STK32B: variants seen among roughly 807,000 people sequenced by gnomAD.
STK32B encodes the protein serine/threonine-protein kinase 32B.
In STK32B, 43 loss-of-function variants were observed where a neutral mutation model predicts 52.6. The observed-to-expected ratio is 0.82, with a 90% CI of 0.64 to 1.05. The LOEUF (loss-of-function observed/expected upper bound fraction) is 1.05, where lower values mean the gene tolerates loss of function less well. Ranked by LOEUF, STK32B falls within the 50% of genes least tolerant of loss-of-function variation. The pLI is 0.00. For synonymous variants in STK32B, 238 were observed against 204.3 expected (o/e 1.17, Z -1.41); for missense variants, 621 against 534.6 (o/e 1.16, Z -1.59).
intron 3 of STK32B, among the ~76,000 whole-genome samples, chr4:5,246,664 T>C (rs941269771): frequency 1.3e-5 from 2 of 152,204 alleles, no homozygotes; most frequent in African/African-American, 2.4e-5. Flanking sequence ...TTTTAGAGTT[T>C]CTGGTTTTTC....
At chr4:5,288,877 G>C (rs1307522259) in intron 3 of STK32B, among the ~76,000 whole-genome samples, 1 of 152,076 alleles carries the variant, frequency 6.6e-6, no homozygotes, top group African/African-American at 2.4e-5. Flanking sequence ...TAAAGTTTTA[G>C]CTTTATGTTT....
chr4:5,440,609 C>A (rs919616343), intron 6 of STK32B, among the ~76,000 whole-genome samples: 3 of 152,176 alleles, frequency 2.0e-5, no homozygotes, highest in Non-Finnish European at 4.4e-5. Context: ...CTTCTCCTGC[C>A]TAATTACCCT....
At chr4:5,163,107 A>T (rs1468639852) in intron 2 of STK32B, among the ~76,000 whole-genome samples, 1 of 152,216 alleles carries the variant, frequency 6.6e-6, no homozygotes, top group Admixed American at 6.5e-5. Flanking sequence ...GGTCAGGGCC[A>T]GGGAAGCATT....
chr4:5,059,120 C>T (rs1742123855), intron 1 of STK32B, among the ~76,000 whole-genome samples: 1 of 116,516 alleles, frequency 8.6e-6, no homozygotes, highest in Non-Finnish European at 1.6e-5. Context: ...CCATACTGAT[C>T]TTGAATTCCT....
intron 11 of STK32B, among the ~76,000 whole-genome samples, chr4:5,479,322 T>G (rs1352540918): frequency 6.6e-6 from 1 of 152,074 alleles, no homozygotes; most frequent in Non-Finnish European, 1.5e-5. Context: ...TTTCACCATG[T>G]TGGTCAGGCT....
At chr4:5,067,391 G>T (rs1461456373) in intron 1 of STK32B, among the ~76,000 whole-genome samples, 1 of 152,136 alleles carries the variant, frequency 6.6e-6, no homozygotes, top group Non-Finnish European at 1.5e-5. Flanking sequence ...GACTCCACAA[G>T]GATGGGGTCT....
At chr4:5,491,575 T>C (rs1471597924) in intron 11 of STK32B, among the ~76,000 whole-genome samples, 1 of 151,922 alleles carries the variant, frequency 6.6e-6, no homozygotes, top group East Asian at 1.9e-4. Flanking sequence ...AGAAGCTCTT[T>C]AGTTTAATGA....
At chr4:5,023,295 G>C in the STK32B span, among the ~76,000 whole-genome samples, 1 of 152,192 alleles carries the variant, frequency 6.6e-6, no homozygotes, top group Non-Finnish European at 1.5e-5. Context: ...CAAGCATACT[G>C]TCTCTCTGGG....
the STK32B span, among the ~76,000 whole-genome samples, chr4:5,042,659 A>G: frequency 1.3e-5 from 2 of 152,308 alleles, no homozygotes; most frequent in South Asian, 2.1e-4. Context: ...GTAGAGTTTC[A>G]CTTGTCATCC....
intron 3 of STK32B, among the ~76,000 whole-genome samples, chr4:5,225,681 G>A (rs1356263483): frequency 6.6e-6 from 1 of 152,142 alleles, no homozygotes; most frequent in East Asian, 1.9e-4. Context: ...TGTCCTGTGT[G>A]CAAAATTCTA....
chr4:5,487,615 C>T (rs1719341390), intron 11 of STK32B, among the ~76,000 whole-genome samples: 1 of 152,162 alleles, frequency 6.6e-6, no homozygotes, highest in South Asian at 2.1e-4. Flanking sequence ...ATCACCAATA[C>T]AACTTGACCA....
Position 5,051,659 on chromosome 4 carries a change from T to C in STK32B, c.-205T>C. Reference sequence around the variant, plus strand: ...GGCGGAAGGCGCGGCGAGAGCGGGGTCCCTGCGAGCGCAGTCGGAAGGGCG... The same window carrying C: ...GGCGGAAGGCGCGGCGAGAGCGGGGCCCCTGCGAGCGCAGTCGGAAGGGCG... On this transcript the variant is annotated 5_prime_UTR_variant, in exon 1 of 12. Coordinates refer to ENST00000282908, the MANE Select transcript of STK32B (RefSeq NM_018401.3). 3.5e-6 allele frequency: 2 copies of C among 572,688 alleles called. No individual in the cohort carries two copies. Among genetic ancestry groups the C allele is most frequent in the South Asian group, 4.9e-5 (2 of 41,044 alleles). 35.5% of individuals were successfully genotyped at this position (572,688 alleles called of 1,614,324 possible). A position where few individuals can be genotyped will look rare whatever the true frequency, so the allele number is the denominator to read the frequency against.
chr4:5,215,436 G>C (rs1156559973), intron 3 of STK32B, among the ~76,000 whole-genome samples: 1 of 152,128 alleles, frequency 6.6e-6, no homozygotes, highest in Non-Finnish European at 1.5e-5. Context: ...CTTCAGTTAA[G>C]AACTGGAGGG....
chr4:5,244,417 GT>G (rs1358456499), intron 3 of STK32B, among the ~76,000 whole-genome samples: 3 of 152,228 alleles, frequency 2.0e-5, no homozygotes, highest in Admixed American at 2.0e-4. Flanking sequence ...GGGATTGGTG[GT>G]GATATGCCCA....
intron 3 of STK32B, among the ~76,000 whole-genome samples, chr4:5,205,070 A>C (rs1305404710): frequency 6.6e-6 from 1 of 152,210 alleles, no homozygotes; most frequent in East Asian, 1.9e-4. Flanking sequence ...AACAAAGAGC[A>C]GGAGGAAGAG....
chr4:5,365,480 ATTC>A (rs2109004337), intron 4 of STK32B, among the ~76,000 whole-genome samples: 1 of 152,326 alleles, frequency 6.6e-6, no homozygotes, highest in East Asian at 1.9e-4. Flanking sequence ...ACCTCTTTTT[ATTC>A]TTATTGTAGA....
chr4:5,278,724 T>C (rs1353605576), intron 3 of STK32B, among the ~76,000 whole-genome samples: 2 of 152,142 alleles, frequency 1.3e-5, no homozygotes, highest in Admixed American at 6.5e-5. Flanking sequence ...GGGTAATTTA[T>C]GGATAAAAGA....
chr4:5,131,234 C>T (rs1023644619), intron 1 of STK32B, among the ~76,000 whole-genome samples: 1 of 152,198 alleles, frequency 6.6e-6, no homozygotes, highest in African/African-American at 2.4e-5. Flanking sequence ...AGGGCTTGCT[C>T]TGCCTCCCCC....
intron 3 of STK32B, among the ~76,000 whole-genome samples, chr4:5,317,181 T>TATATATATAACATATATATA (rs1731044738): frequency 2.2e-5 from 1 of 46,334 alleles, no homozygotes; most frequent in African/African-American, 2.5e-4. Flanking sequence ...ACATATAATA[T>TATATATATAACATATATATA]ATATATATAA....
Sources: gnomAD v4.1 joint callset for allele counts (sites outside exome capture counted in the v4.1 genomes callset) on GRCh38, gnomAD v4.1.1 for gene constraint, MANE v1.5 for transcripts, NCBI Gene and HGNC (gene_info 2026-07-23, HGNC 2026-07-21) for gene names.